Variants in ZC2HC1B observed in about 807,000 individuals in gnomAD.
ZC2HC1B encodes zinc finger C2HC domain-containing protein 1B.
In ZC2HC1B, 36 loss-of-function variants were observed where a neutral mutation model predicts 31.0. The ratio of observed to expected loss-of-function variants is 1.16; its 90% CI spans 0.89 to 1.54. The LOEUF is 1.54. Ranked by LOEUF, ZC2HC1B falls within the 40% of genes most tolerant of loss-of-function variation. The pLI is 0.00. For missense variants in ZC2HC1B, 260 were observed against 268.6 expected (o/e 0.97, Z 0.22); for synonymous variants, 73 against 88.0 (o/e 0.83, Z 0.95).
chr6:143,889,581 A>G (rs1165767134), intron 4 of ZC2HC1B, among the ~76,000 whole-genome samples: 1 of 152,182 alleles, frequency 6.6e-6, no homozygotes, highest in Middle Eastern at 3.2e-3. Context: ...TTAACAGATG[A>G]TGATTCAAAT....
intron 6 of ZC2HC1B, among the ~76,000 whole-genome samples, chr6:143,929,730 G>T (rs1475823841): frequency 6.6e-6 from 1 of 151,900 alleles, no homozygotes; most frequent in African/African-American, 2.4e-5. Flanking sequence ...GTTGTTATTT[G>T]GGGGAGATAT....
At chr6:143,866,370 C>T (rs1042833988) in intron 1 of ZC2HC1B, among the ~76,000 whole-genome samples, 2 of 152,254 alleles carry the variant, frequency 1.3e-5, no homozygotes, top group African/African-American at 2.4e-5. Context: ...ATACAGCACG[C>T]TGTAGAGTTA....
rs1777902949 is a variant in ZC2HC1B, at chr6:143,915,174, G to A, written c.598+12022G>A. ...CCAGTGGGAAGTAATTGAATCATGGGGGCAAGTCTTCCCTGTGCTATTCTT... is the reference window on the plus strand; with the variant it reads ...CCAGTGGGAAGTAATTGAATCATGGAGGCAAGTCTTCCCTGTGCTATTCTT... On this transcript the variant is annotated intron_variant, in intron 6 of 7. Coordinates refer to ENST00000237275, the MANE Select transcript of ZC2HC1B (RefSeq NM_001013623.3). This position sits in a 1 kb window ranked among gnomAD's most constrained non-coding sequence, Gnocchi z 5.2. Among the ~76,000 whole-genome samples, 1 of 152,064 alleles carries A rather than the reference G, an allele frequency of 6.6e-6. No individual in the cohort carries two copies. Among genetic ancestry groups the A allele is most frequent in the Non-Finnish European group, 1.5e-5 (1 of 68,006 alleles).
At chr6:143,925,862 G>A (rs186770881) in intron 6 of ZC2HC1B, among the ~76,000 whole-genome samples, 2 of 152,088 alleles carry the variant, frequency 1.3e-5, no homozygotes, top group Admixed American at 6.6e-5. Flanking sequence ...GATTGTATGT[G>A]TCCAGGAATT....
chr6:143,936,957 T>G (rs1778186204), intron 6 of ZC2HC1B, among the ~76,000 whole-genome samples: 1 of 152,200 alleles, frequency 6.6e-6, no homozygotes, highest in African/African-American at 2.4e-5. Context: ...GAGAGTTTGA[T>G]TCACAATTTC....
chr6:143,879,612 TC>T (rs1019301318), intron 1 of ZC2HC1B, among the ~76,000 whole-genome samples: 5 of 152,130 alleles, frequency 3.3e-5, no homozygotes, highest in Non-Finnish European at 5.9e-5. Context: ...GAAAGTGTCT[TC>T]CTTTTTTCTT....
At chr6:143,880,389 A>G (rs1777453700) in intron 1 of ZC2HC1B, among the ~76,000 whole-genome samples, 1 of 152,320 alleles carries the variant, frequency 6.6e-6, no homozygotes, top group Middle Eastern at 3.4e-3. Context: ...ATAGTGATGC[A>G]TAATTTTCAT....
intron 6 of ZC2HC1B, among the ~76,000 whole-genome samples, chr6:143,936,233 TAAGTG>T (rs1191144994): frequency 6.6e-6 from 1 of 152,218 alleles, no homozygotes. Flanking sequence ...CACCTGGTAT[TAAGTG>T]AAGTTACCAT....
At chr6:143,892,672 C>A (rs1777615256) in intron 4 of ZC2HC1B, among the ~76,000 whole-genome samples, 1 of 152,106 alleles carries the variant, frequency 6.6e-6, no homozygotes, top group Admixed American at 6.5e-5. Context: ...AGGACAGTAC[C>A]AAGCTTGTTC....
intron 6 of ZC2HC1B, among the ~76,000 whole-genome samples, chr6:143,932,415 A>G (rs1352377759): frequency 6.6e-6 from 1 of 152,130 alleles, no homozygotes; most frequent in Non-Finnish European, 1.5e-5. Context: ...TTTAAGCTCT[A>G]AAGTTCTTTC....
intron 6 of ZC2HC1B, among the ~76,000 whole-genome samples, chr6:143,910,894 G>A (rs6570588): frequency 0.67 from 102,495 of 151,988 alleles, 35,569 homozygotes; most frequent in African/African-American, 0.84. Flanking sequence ...CTGAGATTAC[G>A]GGCACCCACC....
At position 143,871,611 on chromosome 6, in the gene ZC2HC1B, A is replaced by C. The variant is rs970120179; in HGVS notation, c.28+7044A>C. Among the ~76,000 whole-genome samples, 1 of 152,140 alleles carries C rather than the reference A, an allele frequency of 6.6e-6. No individual in the cohort carries two copies. Among genetic ancestry groups the C allele is most frequent in the Non-Finnish European group, 1.5e-5 (1 of 68,010 alleles). On this transcript the variant is annotated intron_variant, in intron 1 of 7. Coordinates refer to ENST00000237275, the MANE Select transcript of ZC2HC1B (RefSeq NM_001013623.3). The surrounding 1 kb of genome is among the most constrained non-coding windows in gnomAD (Gnocchi z 4.1). ...ATCCATCTGTCTTCTGCACAGGCCA[A>C]ATGGGAGAGTTGAACAGGGATGTGG...
At position 143,868,834 on chromosome 6, in the gene ZC2HC1B, T is replaced by G. The variant is rs1777302337; in HGVS notation, c.28+4267T>G. The stretch of plus-strand genomic sequence containing the variant: ...CAACCCAAATACTATTACATAAAGT[T>G]AACAATTCTTAAATGCTGATGCGAA... On this transcript the variant is annotated intron_variant, in intron 1 of 7. Coordinates refer to ENST00000237275, the MANE Select transcript of ZC2HC1B (RefSeq NM_001013623.3). This position sits in a 1 kb window ranked among gnomAD's most constrained non-coding sequence, Gnocchi z 4.2. 6.6e-6 allele frequency among the ~76,000 whole-genome samples: 1 copy of G among 152,222 alleles called. No individual in the cohort carries two copies. Among genetic ancestry groups the G allele is most frequent in the Non-Finnish European group, 1.5e-5 (1 of 68,046 alleles).
At chr6:143,891,154 A>G (rs1777597714) in intron 4 of ZC2HC1B, among the ~76,000 whole-genome samples, 1 of 151,578 alleles carries the variant, frequency 6.6e-6, no homozygotes, top group African/African-American at 2.4e-5. Flanking sequence ...AAGAAATTTA[A>G]TAAATTTATA....
In ZC2HC1B at chr6:143,924,642, G is replaced by A. The variant is rs1207654543; in HGVS notation, c.599-13007G>A. 6.6e-6 allele frequency among the ~76,000 whole-genome samples: 1 copy of A among 152,082 alleles called. No homozygotes were observed. The highest frequency in any genetic ancestry group is 1.5e-5 in the Non-Finnish European group (1 of 68,000). ...CCCCACTCAGTATTATGTTAGCTAT[G>A]CATTTGTCAGATATGACCTTTACTA... On this transcript the variant is annotated intron_variant, in intron 6 of 7. Transcript: ENST00000237275. This position sits in a 1 kb window ranked among gnomAD's most constrained non-coding sequence, Gnocchi z 5.2.
intron 6 of ZC2HC1B, among the ~76,000 whole-genome samples, chr6:143,907,678 C>T (rs1777812677): frequency 6.6e-6 from 1 of 152,114 alleles, no homozygotes; most frequent in African/African-American, 2.4e-5. Context: ...ACATATTTGA[C>T]CTTTGTCAGA....
Position 143,864,844 on chromosome 6 carries a change from A to AG in ZC2HC1B, c.28+278dup, listed in dbSNP as rs199591442. ...ATGCCAACCTGTGAAGTAAAGGGTC[A>AG]GATGATGGTTTATGTCAATATTGAG... On this transcript the variant is annotated intron_variant, in intron 1 of 7. Coordinates refer to ENST00000237275, the MANE Select transcript of ZC2HC1B (RefSeq NM_001013623.3). Among the ~76,000 whole-genome samples the AG allele has an allele frequency of 1.3e-3, 194 of 152,372 alleles. 3 individuals are homozygous for AG. The East Asian group carries it at 0.033, about 26-fold the overall frequency.
At chr6:143,902,765 A>G (rs1002646042) in intron 5 of ZC2HC1B, among the ~76,000 whole-genome samples, 3 of 152,190 alleles carry the variant, frequency 2.0e-5, no homozygotes, top group Non-Finnish European at 4.4e-5. Context: ...CCATACAACT[A>G]ATTTTATAGG....
In ZC2HC1B at chr6:143,886,251, A is replaced by G. The variant is rs1777529601; in HGVS notation, c.210+100A>G. On this transcript the variant is annotated intron_variant, in intron 3 of 7. Transcript: ENST00000237275. The surrounding 1 kb of genome is among the most constrained non-coding windows in gnomAD (Gnocchi z 4.2). ...TTTCATTTTTGCTTGATAATACAGT[A>G]ATGTAATGTAACTGTAATCCACCTT... The G allele has an allele frequency of 4.1e-6, 5 of 1,233,218 alleles. No individual in the cohort carries two copies. In the East Asian group the frequency reaches 1.5e-4, roughly 37 times the overall value. The allele number at this position is 1,233,218 out of a possible 1,614,324, so 76.4% of individuals were successfully genotyped here.
Sources: allele counts gnomAD v4.1 joint callset (sites outside exome capture counted in the v4.1 genomes callset), GRCh38; gene constraint gnomAD v4.1.1; non-coding constraint Gnocchi (gnomAD v3.1); transcripts MANE v1.5; gene names NCBI Gene and HGNC (gene_info 2026-07-23, HGNC 2026-07-21).